Variants in CIC observed in about 807,000 individuals in gnomAD.
The protein encoded by CIC is protein capicua homolog.
CIC carries 18 observed loss-of-function variants against 115.7 expected under a neutral mutation model. That is an observed-to-expected ratio of 0.16 (90% confidence interval 0.11 to 0.23). The LOEUF (loss-of-function observed/expected upper bound fraction) is 0.23, where lower values mean the gene tolerates loss of function less well. Among genes scored for constraint, CIC ranks in the 10% least tolerant of loss-of-function variants. CIC has a pLI of 1.00. For missense variants in CIC, 2,000 were observed against 2,159.3 expected, an observed-to-expected ratio of 0.93 and a Z score of 1.46; for synonymous variants, 1,076 against 923.0, an observed-to-expected ratio of 1.17 and a Z score of -3.01.
rs370086407 is a variant in CIC, at chr19:42,280,805, G to C, written c.2795-5966G>C. Among the ~76,000 whole-genome samples, 1 of 151,878 alleles carries C rather than the reference G, an allele frequency of 6.6e-6. No individual in the cohort carries two copies. The highest frequency in any genetic ancestry group is 1.5e-5 in the Non-Finnish European group (1 of 67,908). The stretch of plus-strand genomic sequence containing the variant: ...CAGGGCGGCGCCCCCTCCTCTGCTC[G>C]GGCCTTGGCGCCTCCCTCAGCCCGC... On this transcript the variant is annotated intron_variant, in intron 2 of 20. Transcript: ENST00000681038. This position sits in a 1 kb window ranked among gnomAD's most constrained non-coding sequence, Gnocchi z 4.9.
rs2037914800 is a variant in CIC, at chr19:42,289,482, C to G, written c.4087+76C>G. ...TCAGAGGGTGGGCAGAACTTGGATCCAGGCCCCTAGGCCCCTTTGTTTTCT... is the reference window on the plus strand; with the variant it reads ...TCAGAGGGTGGGCAGAACTTGGATCGAGGCCCCTAGGCCCCTTTGTTTTCT... On this transcript the variant is annotated intron_variant, in intron 9 of 20. Coordinates refer to ENST00000681038, the MANE Select transcript of CIC (RefSeq NM_001386298.1). The G allele has an allele frequency of 4.1e-6, 6 of 1,462,056 alleles. No individual in the cohort carries two copies. In the Admixed American group the frequency reaches 5.9e-5, roughly 14 times the overall value. The allele number at this position is 1,462,056 out of a possible 1,614,324, so 90.6% of individuals were successfully genotyped here. A position where few individuals can be genotyped will look rare whatever the true frequency, so the allele number is the denominator to read the frequency against.
Position 42,274,106 on chromosome 19 carries a change from C to T in CIC, c.2323C>T (p.Arg775Cys), listed in dbSNP as rs1041021694. Residue 775 changes from arginine (R) to cysteine (C), a missense_variant, in exon 2 of 21, where the codon CGC becomes TGC. This residue lies in a region of CIC where 222 missense variants were observed against 247.7 expected (regional missense o/e 0.90). Transcript: ENST00000681038. ...RAVSPAVPFS[R>C]SRQPSPLLLL... ...CGTGTCCCCTGCTGTGCCCTTCTCT[C>T]GCTCCCGCCAGCCCTCACCATTGCT... is the stretch of plus-strand genomic sequence containing the variant. 6 of 400,222 alleles carry T rather than the reference C, an allele frequency of 1.5e-5. No individual in the cohort carries two copies. Among genetic ancestry groups the T allele is most frequent in the East Asian group, 1.1e-4 (3 of 28,212 alleles). 24.8% of individuals were successfully genotyped at this position (400,222 alleles called of 1,614,324 possible).
rs372631930 is a variant in CIC, at chr19:42,281,292, T to A, written c.2795-5479T>A. Among the ~76,000 whole-genome samples the A allele has an allele frequency of 5.4e-4, 82 of 152,196 alleles. 4 individuals are homozygous for A. In the South Asian group the frequency reaches 0.017, roughly 31 times the overall value. On this transcript the variant is annotated intron_variant, in intron 2 of 20. Transcript: ENST00000681038. Reference sequence around the variant, plus strand: ...TCGCGGGCTCAATAAATGGGCCCCATGAGTTTAGAGTGCGCGTCTGCCTGT... The same window carrying A: ...TCGCGGGCTCAATAAATGGGCCCCAAGAGTTTAGAGTGCGCGTCTGCCTGT...
chr19:42,279,701 A>G (rs551968173), intron 2 of CIC, among the ~76,000 whole-genome samples: 3 of 152,320 alleles, frequency 2.0e-5, no homozygotes, highest in African/African-American at 7.2e-5. Flanking sequence ...TACGCGGGCC[A>G]GTAAAGAGTC....
In CIC at chr19:42,294,600, A is replaced by G; in HGVS notation, c.7055-4A>G. The G allele has an allele frequency of 2.5e-6, 4 of 1,613,310 alleles. No homozygotes were observed. The highest frequency in any genetic ancestry group is 3.4e-6 in the Non-Finnish European group (4 of 1,179,954). On this transcript the variant is annotated splice_region_variant and splice_polypyrimidine_tract_variant and intron_variant, in intron 19 of 20. Coordinates refer to ENST00000681038, the MANE Select transcript of CIC (RefSeq NM_001386298.1). ...CCTTGCCATGCTGCCTGTGCCCTGC[A>G]CAGGTACAGAAGCCGAGGACGTGCT...
chr19:42,295,492 G>T lies in CIC; in HGVS notation c.*301G>T, dbSNP rs1171854351. ...TGGCTCCTGTGAGGGCTGCAAGCTG[G>T]AGGGTGGTGCAGGCCTTGGGCCACA... is the stretch of plus-strand genomic sequence containing the variant. On this transcript the variant is annotated 3_prime_UTR_variant, in exon 21 of 21. Transcript: ENST00000681038. 1 of 371,450 alleles carries T rather than the reference G, an allele frequency of 2.7e-6. No individual in the cohort carries two copies. The highest frequency in any genetic ancestry group is 2.1e-5 in the African/African-American group (1 of 48,418). 23.0% of individuals were successfully genotyped at this position (371,450 alleles called of 1,614,324 possible).
rs1188653404 is a variant in CIC, at chr19:42,293,497, C to T, written c.6523-95C>T. On this transcript the variant is annotated intron_variant, in intron 16 of 20. Coordinates refer to ENST00000681038, the MANE Select transcript of CIC (RefSeq NM_001386298.1). Reference sequence around the variant, plus strand: ...CCGTGTGACAGCCTTCTCAAGGGGTCTGCTGGGCGGGCTCAGATCCAACTC... The same window carrying T: ...CCGTGTGACAGCCTTCTCAAGGGGTTTGCTGGGCGGGCTCAGATCCAACTC... 4 of 1,592,442 alleles carry T rather than the reference C, an allele frequency of 2.5e-6. No individual in the cohort carries two copies. In the East Asian group the frequency reaches 8.9e-5, roughly 36 times the overall value.
chr19:42,287,690 C>T lies in CIC; in HGVS notation c.3455C>T (p.Pro1152Leu), dbSNP rs768583610. The change falls in exon 6 of 21, where the codon CCC becomes CTC. Residue 1152 changes from proline to leucine, a missense_variant. Physicochemically the swap from Pro to Leu is moderately conservative, Grantham distance 98 (BLOSUM62 -3). Coordinates refer to ENST00000681038, the MANE Select transcript of CIC (RefSeq NM_001386298.1). This position sits in a 1 kb window ranked among gnomAD's most constrained non-coding sequence, Gnocchi z 8.7. ...GGCGAGTGGTGGTATGCCCTGGGGC[C>T]CAAGGAGAAGCAGAAGTACCACGAC... ...ILGEWWYALG[P>L]KEKQKYHDLA... 6.2e-7 allele frequency: 1 copy of T among 1,614,096 alleles called. No individual in the cohort carries two copies. The highest frequency in any genetic ancestry group is 1.3e-5 in the African/African-American group (1 of 75,050).
In CIC at chr19:42,274,079, G is replaced by T; in HGVS notation, c.2296G>T (p.Ala766Ser). 2.5e-6 allele frequency: 1 copy of T among 399,754 alleles called. No homozygotes were observed. The highest frequency in any genetic ancestry group is 3.6e-5 in the East Asian group (1 of 28,140). 24.8% of individuals were successfully genotyped at this position (399,754 alleles called of 1,614,324 possible). The change falls in exon 2 of 21, where the codon GCC (alanine) becomes TCC (serine). Residue 766 changes from alanine to serine, a missense_variant. By Grantham distance (99) the Ala-to-Ser change is moderately conservative (BLOSUM62 1). This residue lies in a region of CIC where 222 missense variants were observed against 247.7 expected (regional missense o/e 0.90). Transcript: ENST00000681038. ...PTPSTPAGFR[A>S]VSPAVPFSRS... ...ACCCTCCACGCCGGCTGGCTTCCGG[G>T]CCGTGTCCCCTGCTGTGCCCTTCTC... is the stretch of plus-strand genomic sequence containing the variant.
intron 10 of CIC, 95 bp from the exon 11 acceptor site, chr19:42,290,138 T>A: frequency 6.4e-7 from 1 of 1,571,368 alleles, no homozygotes; most frequent in Non-Finnish European, 8.7e-7. Context: ...AGCCCTAGGC[T>A]GGCCTGGCTG....
At chr19:42,284,821 C>T (rs1366125825) in intron 2 of CIC, 16 of 1,453,920 alleles carry the variant, frequency 1.1e-5, no homozygotes, top group Non-Finnish European at 1.4e-5. Flanking sequence ...TGTCGGGGTG[C>T]TAAGTGCGGA....
Position 42,290,261 on chromosome 19 carries a change from T to A in CIC, c.4220T>A (p.Val1407Glu), listed in dbSNP as rs1443879330. The change falls in exon 11 of 21, where the codon GTG (valine) becomes GAG (glutamate). Residue 1407 changes from valine (V) to glutamate (E), a missense_variant. Val to Glu is a moderately radical substitution (Grantham distance 121, BLOSUM62 -2). This residue lies in a region of CIC where 1,466 missense variants were observed against 1,390.4 expected (regional missense o/e 1.05). Coordinates refer to ENST00000681038, the MANE Select transcript of CIC (RefSeq NM_001386298.1). ...KGFGRKVFSP[V>E]IRSSFTHCRP... ...TTTGGTCGGAAGGTGTTTTCACCTG[T>A]GATCCGTTCCTCCTTTACCCACTGC... 1 of 1,614,070 alleles carries A rather than the reference T, an allele frequency of 6.2e-7. No homozygotes were observed. The highest frequency in any genetic ancestry group is 1.1e-5 in the South Asian group (1 of 91,078).
chr19:42,292,019 C>T, intron 12 of CIC, 67 bp from the exon 13 acceptor site: 2 of 1,609,040 alleles, frequency 1.2e-6, no homozygotes, highest in Admixed American at 1.7e-5. Context: ...CACTTGAGGT[C>T]TTGGTCTTCC....
At chr19:42,286,523 G>C (rs1391940771) in intron 2 of CIC, among the ~76,000 whole-genome samples, 1 of 152,054 alleles carries the variant, frequency 6.6e-6, no homozygotes, top group Non-Finnish European at 1.5e-5. Flanking sequence ...GAGATTGGTG[G>C]GGGGAGGAGT....
At chr19:42,281,012 C>T (rs1292132462) in intron 2 of CIC, among the ~76,000 whole-genome samples, 1 of 151,842 alleles carries the variant, frequency 6.6e-6, no homozygotes, top group Admixed American at 6.6e-5. Flanking sequence ...CCCTGCCTAC[C>T]CCAGCCCCAC....
Position 42,287,772 on chromosome 19 carries a change from G to T in CIC, c.3493-38G>T. On this transcript the variant is annotated intron_variant, in intron 6 of 20. Transcript: ENST00000681038. This position sits in a 1 kb window ranked among gnomAD's most constrained non-coding sequence, Gnocchi z 8.7. ...GCTCCTCCCAGCTTCTTCTGGTGGGGTGGGTGAGTGAAGGGTTGCCCTGCC... is the reference window on the plus strand; with the variant it reads ...GCTCCTCCCAGCTTCTTCTGGTGGGTTGGGTGAGTGAAGGGTTGCCCTGCC... The T allele has an allele frequency of 6.2e-7, 1 of 1,614,152 alleles. No individual in the cohort carries two copies. The highest frequency in any genetic ancestry group is 8.5e-7 in the Non-Finnish European group (1 of 1,180,000).
intron 18 of CIC, 33 bp from the exon 19 acceptor site, chr19:42,294,140 C>T: frequency 6.2e-7 from 1 of 1,613,826 alleles, no homozygotes; most frequent in East Asian, 2.2e-5. Context: ...CAGACTGGGG[C>T]CACCTGCACT....
Position 42,287,966 on chromosome 19 carries a change from GC to G in CIC, c.3653del (p.Pro1218LeufsTer16). The G allele has an allele frequency of 6.3e-7, 1 of 1,592,554 alleles. No individual in the cohort carries two copies. The highest frequency in any genetic ancestry group is 8.5e-7 in the Non-Finnish European group (1 of 1,170,198). On this transcript the variant is annotated frameshift_variant, in exon 7 of 21. Coordinates refer to ENST00000681038, the MANE Select transcript of CIC (RefSeq NM_001386298.1). LOFTEE classifies it high-confidence loss of function. The surrounding 1 kb of genome is among the most constrained non-coding windows in gnomAD (Gnocchi z 8.7). ...CATGTCGGAGACGGGCACTGCTGCT[GC>G]CCCTGGGGGTTAGTCAGCCCCTTGG... ...RSMSETGTAA[A>X]PGVSSELLSV...
intron 9 of CIC, 110 bp from the exon 10 acceptor site, chr19:42,289,738 C>G (rs1025009625): frequency 2.0e-6 from 2 of 985,274 alleles, no homozygotes; most frequent in Admixed American, 2.0e-5. Context: ...CCTTCCTGGA[C>G]AGCACTCCCT....
Sources: gnomAD v4.1 joint callset for allele counts (sites outside exome capture counted in the v4.1 genomes callset) on GRCh38, gnomAD v4.1.1 for gene constraint, gnomAD v4.1.1 regional missense constraint, Gnocchi (gnomAD v3.1) non-coding constraint, MANE v1.5 for transcripts, NCBI Gene and HGNC (gene_info 2026-07-23, HGNC 2026-07-21) for gene names.